The following ATP10D variants were observed in gnomAD, a reference collection of about 807,000 sequenced individuals.
ATP10D encodes the protein ATPase phospholipid transporting 10D (putative).
ATP10D carries 89 observed loss-of-function variants against 144.8 expected under a neutral mutation model. The observed-to-expected ratio is 0.61, with a 90% CI of 0.52 to 0.73. ATP10D has a LOEUF of 0.73. Ranked by LOEUF, ATP10D falls within the 30% of genes least tolerant of loss-of-function variation. The probability of loss-of-function intolerance (pLI) is 0.00; values close to 1 mark genes in which losing one functional copy is unlikely to be tolerated. For synonymous variants in ATP10D, 571 were observed against 615.1 expected, an observed-to-expected ratio of 0.93 and a Z score of 1.06; for missense variants, 1,603 against 1,714.8, an observed-to-expected ratio of 0.93 and a Z score of 1.15.
intron 1 of ATP10D, among the ~76,000 whole-genome samples, chr4:47,503,133 C>A (rs1349990804): frequency 6.6e-6 from 1 of 152,124 alleles, no homozygotes; most frequent in African/African-American, 2.4e-5. Flanking sequence ...ACCTGGGAGG[C>A]AGAGTTTGCA....
At chr4:47,573,849 A>T (rs571480406) in intron 18 of ATP10D, among the ~76,000 whole-genome samples, 2 of 151,742 alleles carry the variant, frequency 1.3e-5, no homozygotes, top group Non-Finnish European at 2.9e-5. Context: ...GTAATTTAGA[A>T]CTCTGTGTGC....
In ATP10D at chr4:47,545,570, A is replaced by G. The variant is rs1023015679; in HGVS notation, c.1397-1054A>G. ...GATATTTTTTGGATGTATGGAGGAC[A>G]GATGTTAGTTATACTTTGAAAATAA... On this transcript the variant is annotated intron_variant, in intron 9 of 22. Coordinates refer to ENST00000273859, the MANE Select transcript of ATP10D (RefSeq NM_020453.4). Among the ~76,000 whole-genome samples the G allele has an allele frequency of 2.7e-5, 4 of 150,182 alleles. No homozygotes were observed. In the Admixed American group the frequency reaches 2.7e-4, roughly 10 times the overall value.
intron 5 of ATP10D, among the ~76,000 whole-genome samples, chr4:47,527,449 C>T (rs1717305929): frequency 6.6e-6 from 1 of 152,048 alleles, no homozygotes; most frequent in African/African-American, 2.4e-5. Flanking sequence ...AATAAAAGAA[C>T]TCATCAAAAT....
At chr4:47,542,269 G>A (rs1225002980) in intron 9 of ATP10D, among the ~76,000 whole-genome samples, 2 of 151,828 alleles carry the variant, frequency 1.3e-5, no homozygotes, top group Non-Finnish European at 2.9e-5. Flanking sequence ...GCTAATTTTT[G>A]TATTTTTTGT....
chr4:47,554,379 C>G (rs1231145280), intron 10 of ATP10D, among the ~76,000 whole-genome samples: 1 of 152,044 alleles, frequency 6.6e-6, no homozygotes, highest in Non-Finnish European at 1.5e-5. Flanking sequence ...AAATCTATGA[C>G]CGAGGTAGAA....
intron 1 of ATP10D, among the ~76,000 whole-genome samples, chr4:47,496,654 T>C (rs902375844): frequency 6.6e-6 from 1 of 152,076 alleles, no homozygotes; most frequent in South Asian, 2.1e-4. Context: ...ACATTCAGAG[T>C]CAAAAAAATG....
chr4:47,587,760 C>T (rs1720858356), intron 22 of ATP10D, among the ~76,000 whole-genome samples: 2 of 152,126 alleles, frequency 1.3e-5, no homozygotes, highest in African/African-American at 4.8e-5. Context: ...CTCAGGAGGG[C>T]TCTGCCTTAT....
chr4:47,561,053 G>A lies in ATP10D; in HGVS notation c.2646G>A (p.Leu882=). 1 of 1,614,124 alleles carries A rather than the reference G, an allele frequency of 6.2e-7. No homozygotes were observed. Among genetic ancestry groups the A allele is most frequent in the Middle Eastern group, 1.6e-4 (1 of 6,062 alleles). Residue 882 remains leucine, a synonymous_variant, in exon 14 of 23, where the codon TTG becomes TTA. Transcript: ENST00000273859. The part of the protein sequence containing the change: ...EELLLESAMR[L]ENKLTLLGAT... Reference sequence around the variant, plus strand: ...TACTACTTGAATCTGCCATGAGGTTGGAGAACAAACTTACATTACTTGGTA... The same window carrying A: ...TACTACTTGAATCTGCCATGAGGTTAGAGAACAAACTTACATTACTTGGTA...
chr4:47,526,885 C>A (rs972031432), intron 5 of ATP10D, among the ~76,000 whole-genome samples: 1 of 148,580 alleles, frequency 6.7e-6, no homozygotes, highest in East Asian at 1.9e-4. Flanking sequence ...AAATCAGTTT[C>A]CCCCCAGATT....
At chr4:47,530,933 G>A (rs1009458200) in intron 5 of ATP10D, among the ~76,000 whole-genome samples, 15 of 152,134 alleles carry the variant, frequency 9.9e-5, no homozygotes, top group African/African-American at 3.6e-4. Flanking sequence ...GTATTCATCA[G>A]GGATATTAGC....
intron 3 of ATP10D, among the ~76,000 whole-genome samples, chr4:47,520,596 G>T (rs1180101159): frequency 6.6e-6 from 1 of 151,714 alleles, no homozygotes; most frequent in Non-Finnish European, 1.5e-5. Context: ...ACAGAGTCTT[G>T]CTCTGTCTCA....
At chr4:47,518,235 T>C (rs968552308) in intron 3 of ATP10D, among the ~76,000 whole-genome samples, 2 of 152,164 alleles carry the variant, frequency 1.3e-5, no homozygotes, top group African/African-American at 4.8e-5. Context: ...TTGGTTCTTT[T>C]TTGTAGTAGG....
chr4:47,560,180 G>A (rs7664782), intron 13 of ATP10D: 91,416 of 151,956 alleles, frequency 0.6, 27,977 homozygotes, highest in Admixed American at 0.69. Context: ...GAATAAGTAG[G>A]CAGAGAGGGG....
intron 1 of ATP10D, among the ~76,000 whole-genome samples, chr4:47,494,204 G>A (rs1560405874): frequency 6.6e-6 from 1 of 151,932 alleles, no homozygotes. Flanking sequence ...GTTTCATAAG[G>A]GAAAAAGAGT....
At chr4:47,505,528 T>C (rs529282585) in intron 1 of ATP10D, among the ~76,000 whole-genome samples, 56 of 152,064 alleles carry the variant, frequency 3.7e-4, no homozygotes, top group African/African-American at 1.3e-3. Context: ...GTTCGAGAAC[T>C]GCCTGGCCAA....
intron 15 of ATP10D, among the ~76,000 whole-genome samples, chr4:47,566,045 C>G (rs1456573522): frequency 6.6e-6 from 1 of 152,190 alleles, no homozygotes; most frequent in Non-Finnish European, 1.5e-5. Flanking sequence ...ACTCCTAGTC[C>G]CTCAGGAATC....
chr4:47,516,441 T>C (rs1184746586), intron 3 of ATP10D, among the ~76,000 whole-genome samples: 1 of 152,182 alleles, frequency 6.6e-6, no homozygotes, highest in Non-Finnish European at 1.5e-5. Flanking sequence ...AGGTGAGTCT[T>C]AAACTGTAGT....
chr4:47,587,803 A>G (rs1720860382), intron 22 of ATP10D, among the ~76,000 whole-genome samples: 1 of 152,252 alleles, frequency 6.6e-6, no homozygotes, highest in Middle Eastern at 3.4e-3. Context: ...TTAATATTGT[A>G]AAAACAGCCG....
intron 10 of ATP10D, among the ~76,000 whole-genome samples, chr4:47,548,604 G>GTA (rs1370553627): frequency 6.6e-6 from 1 of 152,270 alleles, no homozygotes; most frequent in East Asian, 1.9e-4. Flanking sequence ...CTACTTACCA[G>GTA]GCTGTCTTTT....
Sources: gnomAD v4.1 joint callset for allele counts (sites outside exome capture counted in the v4.1 genomes callset) on GRCh38, gnomAD v4.1.1 for gene constraint, MANE v1.5 for transcripts, NCBI Gene and HGNC (gene_info 2026-07-23, HGNC 2026-07-21) for gene names.